The following CYP2C18 variants were observed in gnomAD, a reference collection of about 807,000 sequenced individuals.
The protein encoded by CYP2C18 is cytochrome P450 family 2 subfamily C member 18.
In CYP2C18, 38 loss-of-function variants were observed where a neutral mutation model predicts 41.3. That is an observed-to-expected ratio of 0.92 (90% CI 0.71 to 1.21). The LOEUF is 1.21. Ranked by LOEUF, CYP2C18 falls within the 50% of genes most tolerant of loss-of-function variation. CYP2C18 has a pLI of 0.00. For synonymous variants in CYP2C18, 236 were observed against 210.0 expected, an observed-to-expected ratio of 1.12 and a Z score of -1.07; for missense variants, 635 against 591.4, an observed-to-expected ratio of 1.07 and a Z score of -0.77.
At chr10:94,701,334 C>G (rs1426204234) in intron 4 of CYP2C18, among the ~76,000 whole-genome samples, 1 of 152,128 alleles carries the variant, frequency 6.6e-6, no homozygotes, top group Admixed American at 6.5e-5. Flanking sequence ...ATGGATGAAG[C>G]TGGAAACCAT....
Position 94,709,152 on chromosome 10 carries a change from C to G in CYP2C18, c.819+2192C>G, listed in dbSNP as rs147618071. Among the ~76,000 whole-genome samples the G allele has an allele frequency of 3.4e-3, 515 of 152,242 alleles. 2 individuals are homozygous for G. The highest frequency in any genetic ancestry group is 0.012 in the African/African-American group (499 of 41,528). ...ATCTTTGGAGAAACCGTGGCTGGAT[C>G]AAAGACCTAAATGTAAGAGCTAAAA... On this transcript the variant is annotated intron_variant, in intron 5 of 8. Transcript: ENST00000285979.
chr10:94,701,180 T>G (rs1040899777), intron 4 of CYP2C18, among the ~76,000 whole-genome samples: 1 of 152,238 alleles, frequency 6.6e-6, no homozygotes, highest in African/African-American at 2.4e-5. Flanking sequence ...ATATGTTTAT[T>G]GTGGCATTAT....
chr10:94,727,727 T>G (rs780923202), intron 7 of CYP2C18, among the ~76,000 whole-genome samples: 1 of 152,170 alleles, frequency 6.6e-6, no homozygotes, highest in Non-Finnish European at 1.5e-5. Flanking sequence ...GCAACTATTA[T>G]GTAGCATAAT....
chr10:94,733,473 C>T, intron 8 of CYP2C18, 35 bp downstream of exon 8: 1 of 1,609,384 alleles, frequency 6.2e-7, no homozygotes, highest in Non-Finnish European at 8.5e-7. Flanking sequence ...TCCTTCAGGG[C>T]ACATGATACC....
At chr10:94,688,810 T>C (rs1250621389) in intron 3 of CYP2C18, among the ~76,000 whole-genome samples, 1 of 152,216 alleles carries the variant, frequency 6.6e-6, no homozygotes, top group Non-Finnish European at 1.5e-5. Flanking sequence ...AGAGCAATGT[T>C]TTTCCCAAAG....
chr10:94,720,571 T>C, intron 6 of CYP2C18, 34 bp downstream of exon 6: 1 of 1,593,362 alleles, frequency 6.3e-7, no homozygotes, highest in Non-Finnish European at 8.6e-7. Flanking sequence ...AGGGTGATTT[T>C]CAGAAAAGAT....
intron 4 of CYP2C18, 30 bp downstream of exon 4, chr10:94,695,107 A>G (rs760860035): frequency 6.4e-7 from 1 of 1,562,982 alleles, no homozygotes; most frequent in East Asian, 2.3e-5. Flanking sequence ...TTCCTGAGAT[A>G]TTATTTTTGT....
rs74778018 is a variant in CYP2C18, at chr10:94,705,549, T to A, written c.643-1235T>A. Reference sequence around the variant, plus strand: ...AAAAACCCACAAAGCTTTTCTACTGTTTTTAAGTTGCCATTTTTTTTATTC... The same window carrying A: ...AAAAACCCACAAAGCTTTTCTACTGATTTTAAGTTGCCATTTTTTTTATTC... On this transcript the variant is annotated intron_variant, in intron 4 of 8. Transcript: ENST00000285979. 4.9e-3 allele frequency among the ~76,000 whole-genome samples: 740 copies of A among 152,254 alleles called. 47 individuals are homozygous for A. The East Asian group carries it at 0.13, about 26-fold the overall frequency.
At chr10:94,693,926 A>C (rs1847063786) in intron 3 of CYP2C18, among the ~76,000 whole-genome samples, 2 of 152,052 alleles carry the variant, frequency 1.3e-5, no homozygotes, top group South Asian at 4.1e-4. Flanking sequence ...ACACATCCAA[A>C]CTGTATCAGG....
intron 6 of CYP2C18, among the ~76,000 whole-genome samples, chr10:94,722,364 A>C (rs183584891): frequency 3.3e-5 from 5 of 152,236 alleles, no homozygotes; most frequent in Admixed American, 3.3e-4. Flanking sequence ...TCTGCATAAC[A>C]TATTAGCCAC....
chr10:94,715,369 A>T (rs192158149), intron 5 of CYP2C18, among the ~76,000 whole-genome samples: 9 of 152,278 alleles, frequency 5.9e-5, no homozygotes, highest in African/African-American at 2.2e-4. Context: ...TACCGAATTT[A>T]TTGAGAGTTT....
chr10:94,684,267 C>T (rs1846842866), intron 1 of CYP2C18, among the ~76,000 whole-genome samples: 1 of 151,998 alleles, frequency 6.6e-6, no homozygotes, highest in Non-Finnish European at 1.5e-5. Flanking sequence ...TTATAGTCAC[C>T]TTGCTGTCCA....
chr10:94,697,236 T>C (rs1847134966), intron 4 of CYP2C18, among the ~76,000 whole-genome samples: 1 of 152,178 alleles, frequency 6.6e-6, no homozygotes, highest in African/African-American at 2.4e-5. Context: ...GAGAGAAAGC[T>C]TGGGTTACCC....
chr10:94,730,553 T>C (rs939698577), intron 7 of CYP2C18, among the ~76,000 whole-genome samples: 1 of 152,156 alleles, frequency 6.6e-6, no homozygotes, highest in African/African-American at 2.4e-5. Context: ...TAGTGGTGTA[T>C]AAGAACCCTC....
intron 5 of CYP2C18, among the ~76,000 whole-genome samples, chr10:94,714,743 C>T (rs1847508357): frequency 6.6e-6 from 1 of 152,124 alleles, no homozygotes; most frequent in Admixed American, 6.5e-5. Context: ...ATGGGGATGG[C>T]ATTGAATCTA....
chr10:94,692,185 A>C (rs551947973), intron 3 of CYP2C18, among the ~76,000 whole-genome samples: 1 of 152,204 alleles, frequency 6.6e-6, no homozygotes, highest in Non-Finnish European at 1.5e-5. Flanking sequence ...GGATCTAATT[A>C]AACTAAAGAG....
rs1846838203 is a variant in CYP2C18 at position 94,684,080 on chromosome 10, A to T, written c.168+93A>T. On this transcript the variant is annotated intron_variant, in intron 1 of 8. Coordinates refer to ENST00000285979, the MANE Select transcript of CYP2C18 (RefSeq NM_000772.3). ...ATTTCATTTTAAAGTGATAAATGAT[A>T]ATTGTATATATTAATGGGGTACAAT... is the stretch of plus-strand genomic sequence containing the variant. 13 of 863,372 alleles carry T rather than the reference A, an allele frequency of 1.5e-5. No homozygotes were observed. The East Asian group carries it at 3.7e-4, about 24-fold the overall frequency. The allele number at this position is 863,372 out of a possible 1,614,324, so 53.5% of individuals were successfully genotyped here. A position where few individuals can be genotyped will look rare whatever the true frequency, so the allele number is the denominator to read the frequency against.
chr10:94,695,731 A>T (rs1214654589), intron 4 of CYP2C18, among the ~76,000 whole-genome samples: 1 of 152,120 alleles, frequency 6.6e-6, no homozygotes, highest in Non-Finnish European at 1.5e-5. Flanking sequence ...TCCCTTTCCT[A>T]GTCAAAGAAA....
intron 7 of CYP2C18, among the ~76,000 whole-genome samples, chr10:94,730,123 A>G (rs540353701): frequency 6.6e-6 from 1 of 152,268 alleles, no homozygotes; most frequent in Non-Finnish European, 1.5e-5. Flanking sequence ...ATGTTCCTCT[A>G]GTACAACTGA....
Sources: gnomAD v4.1 joint callset for allele counts (sites outside exome capture counted in the v4.1 genomes callset) on GRCh38, gnomAD v4.1.1 for gene constraint, MANE v1.5 for transcripts, NCBI Gene and HGNC (gene_info 2026-07-23, HGNC 2026-07-21) for gene names.